The following SLC9A6 variants were observed in gnomAD, a reference collection of about 807,000 sequenced individuals.
The protein encoded by SLC9A6 is sodium/hydrogen exchanger 6.
A neutral mutation model predicts 45.3 loss-of-function variants in SLC9A6; 6 were observed. That is an observed-to-expected ratio of 0.13 (90% confidence interval 0.07 to 0.26). SLC9A6 has a LOEUF of 0.26. Among genes scored for constraint, SLC9A6 ranks in the 10% least tolerant of loss-of-function variants. SLC9A6 has a pLI of 1.00. For missense variants in SLC9A6, 278 were observed against 503.7 expected (o/e 0.55, Z 4.29); for synonymous variants, 191 against 187.7 (o/e 1.02, Z -0.14).
chrX:135,992,400 T>G (rs1255720243), intron 2 of SLC9A6, among the ~76,000 whole-genome samples: 1 of 112,397 alleles, frequency 8.9e-6, no homozygotes, highest in Non-Finnish European at 1.9e-5. Context: ...GACCAGTCTT[T>G]CTAAAGTAGA....
chrX:136,020,732 A>G (rs1374127068), intron 11 of SLC9A6, among the ~76,000 whole-genome samples: 1 of 112,425 alleles, frequency 8.9e-6, no homozygotes. Context: ...GAGTTATAAT[A>G]CAACTTTTTT....
intron 6 of SLC9A6, among the ~76,000 whole-genome samples, 181 bp downstream of exon 6, chrX:135,999,149 G>A: frequency 9.5e-6 from 1 of 105,771 alleles, no homozygotes; most frequent in East Asian, 3.0e-4. Context: ...GCACAAATTT[G>A]TTTTCCTTTT....
At chrX:136,026,512 G>A (rs782101713) in intron 13 of SLC9A6, among the ~76,000 whole-genome samples, 50 of 110,775 alleles carry the variant, frequency 4.5e-4, no homozygotes, top group African/African-American at 1.5e-3. Context: ...GCCATGTGCC[G>A]GGCACTGTAG....
At position 135,998,978 on chromosome X, in the gene SLC9A6, A is replaced by G. The variant is rs782797166; in HGVS notation, c.637+10A>G. On this transcript the variant is annotated intron_variant, in intron 6 of 17. Coordinates refer to ENST00000630721, the MANE Select transcript of SLC9A6 (RefSeq NM_001379110.1). Reference sequence around the variant, plus strand: ...TCAGCAACTGATCCAGGTATGTTTTATATGAGTGGAGTTTACATACTTGAG... The same window carrying G: ...TCAGCAACTGATCCAGGTATGTTTTGTATGAGTGGAGTTTACATACTTGAG... 2.8e-6 allele frequency: 3 copies of G among 1,052,862 alleles called. No individual in the cohort carries two copies. The highest frequency in any genetic ancestry group is 4.0e-6 in the Non-Finnish European group (3 of 752,199). 86.8% of individuals were successfully genotyped at this position (1,052,862 alleles called of 1,213,427 possible).
Position 136,044,505 on chromosome X carries a change from C to T in SLC9A6, c.1821C>T (p.Asp607=), listed in dbSNP as rs781873151. ...CTGATCTTATTCTCAATGATGGTGA[C>T]ATCAGTTTGACATATGGAGATTCTA... ...DDSDLILNDG[D]ISLTYGDSTV... The change falls in exon 18 of 18, where the codon GAC becomes GAT. Residue 607 remains aspartate (D), a synonymous_variant. Coordinates refer to ENST00000630721, the MANE Select transcript of SLC9A6 (RefSeq NM_001379110.1). 3 of 1,202,416 alleles carry T rather than the reference C, an allele frequency of 2.5e-6. No homozygotes were observed. Among genetic ancestry groups the T allele is most frequent in the African/African-American group, 3.5e-5 (2 of 56,952 alleles).
rs2071575400 is a variant in SLC9A6 at position 136,045,036 on chromosome X, C to G, written c.*312C>G. 3 of 237,077 alleles carry G rather than the reference C, an allele frequency of 1.3e-5. No homozygotes were observed. Among genetic ancestry groups the G allele is most frequent in the Non-Finnish European group, 2.3e-5 (3 of 131,814 alleles). 19.5% of individuals were successfully genotyped at this position (237,077 alleles called of 1,213,427 possible). On this transcript the variant is annotated 3_prime_UTR_variant, in exon 18 of 18. Transcript: ENST00000630721. ...AGTGACGGATTTTCTCTTTCTTAAA[C>G]TTACCTGACACTTAACCAGAGTACC...
Position 135,985,473 on chromosome X carries a change from G to A in SLC9A6, c.-61G>A, listed in dbSNP as rs2089316112. ...GTGGTCCGACCGCGGGCGGCCGCCG[G>A]TGAGGTAGGGGCGGGAGGCGGGGGG... On this transcript the variant is annotated 5_prime_UTR_variant, in exon 1 of 18. It adds an upstream start codon to the 5' untranslated region. Coordinates refer to ENST00000630721, the MANE Select transcript of SLC9A6 (RefSeq NM_001379110.1). The A allele has an allele frequency of 1.9e-6, 2 of 1,027,556 alleles. No individual in the cohort carries two copies. The highest frequency in any genetic ancestry group is 2.0e-5 in the African/African-American group (1 of 49,779). 84.7% of individuals were successfully genotyped at this position (1,027,556 alleles called of 1,213,427 possible). A position where few individuals can be genotyped will look rare whatever the true frequency, so the allele number is the denominator to read the frequency against.
chrX:136,005,663 G>A (rs994640211), intron 7 of SLC9A6, among the ~76,000 whole-genome samples: 1 of 85,190 alleles, frequency 1.2e-5, no homozygotes, highest in Non-Finnish European at 2.3e-5. Flanking sequence ...CCTGAGCAAC[G>A]GAGCGAGACT....
In SLC9A6 at chrX:135,990,078, T is replaced by C. The variant is rs373268787; in HGVS notation, c.169+4251T>C. Among the ~76,000 whole-genome samples the C allele has an allele frequency of 7.7e-4, 86 of 111,522 alleles. No individual in the cohort carries two copies. The East Asian group carries it at 0.019, about 25-fold the overall frequency. ...TCGGCTCACTGCAAGCTCCGCCTCC[T>C]GGGTTCATGCCATTCTTCTGCCTCA... On this transcript the variant is annotated intron_variant, in intron 2 of 17. Coordinates refer to ENST00000630721, the MANE Select transcript of SLC9A6 (RefSeq NM_001379110.1).
Position 136,013,418 on chromosome X carries a change from C to T in SLC9A6, c.1061C>T (p.Ser354Phe). 1 of 1,197,638 alleles carries T rather than the reference C, an allele frequency of 8.3e-7. No individual in the cohort carries two copies. The highest frequency in any genetic ancestry group is 1.1e-6 in the Non-Finnish European group (1 of 883,244). Residue 354 changes from serine (S) to phenylalanine (F), a missense_variant, in exon 10 of 18, where the codon TCT becomes TTT. Physicochemically the swap from Ser to Phe is radical, Grantham distance 155 (BLOSUM62 -2). This residue lies in a region of SLC9A6 where 41 missense variants were observed against 51.8 expected (regional missense o/e 0.79). Coordinates refer to ENST00000630721, the MANE Select transcript of SLC9A6 (RefSeq NM_001379110.1). ...HYTYNNLSTE[S>F]QHRTKQLFEL... ...ACGTATAATAATTTGTCCACGGAGT[C>T]TCAGCATAGAACTAAACAGGTAAGA...
intron 7 of SLC9A6, among the ~76,000 whole-genome samples, chrX:136,008,749 G>C (rs782152283): frequency 9.0e-6 from 1 of 111,213 alleles, no homozygotes; most frequent in Non-Finnish European, 1.9e-5. Flanking sequence ...TACTTTCAGG[G>C]TTTAAAAAAA....
chrX:136,038,742 T>C (rs2071454612), intron 16 of SLC9A6, among the ~76,000 whole-genome samples: 1 of 110,154 alleles, frequency 9.1e-6, no homozygotes, highest in Admixed American at 9.8e-5. Context: ...TTTTCTTTTT[T>C]TTTTTCTTTT....
chrX:136,010,385 A>G (rs1325144153), intron 7 of SLC9A6, 57 bp from the exon 8 acceptor site: 1 of 1,151,985 alleles, frequency 8.7e-7, no homozygotes, highest in East Asian at 3.0e-5. Context: ...ATACTACATA[A>G]TGTTTTTTTA....
rs2089592422 is a variant in SLC9A6 at position 136,002,095 on chromosome X, T to G, written c.638-13T>G. 9.0e-7 allele frequency: 1 copy of G among 1,108,110 alleles called. No individual in the cohort carries two copies. The highest frequency in any genetic ancestry group is 1.8e-5 in the African/African-American group (1 of 55,243). The allele number at this position is 1,108,110 out of a possible 1,213,427, so 91.3% of individuals were successfully genotyped here. On this transcript the variant is annotated splice_polypyrimidine_tract_variant and intron_variant, in intron 6 of 17. Coordinates refer to ENST00000630721, the MANE Select transcript of SLC9A6 (RefSeq NM_001379110.1). Reference sequence around the variant, plus strand: ...AATGTCTAAGTATTCCTCTGACTCTTTTTACTTACTAGTGACTGTTCTTGC... The same window carrying G: ...AATGTCTAAGTATTCCTCTGACTCTGTTTACTTACTAGTGACTGTTCTTGC...
chrX:136,026,003 C>T (rs1189138723), intron 13 of SLC9A6, among the ~76,000 whole-genome samples: 9 of 111,748 alleles, frequency 8.1e-5, no homozygotes, highest in African/African-American at 2.3e-4. Context: ...AAGACAAAAA[C>T]GTACCTACTC....
intron 16 of SLC9A6, among the ~76,000 whole-genome samples, chrX:136,035,990 G>A (rs781947057): frequency 9.3e-6 from 1 of 107,180 alleles, no homozygotes; most frequent in African/African-American, 3.4e-5. Context: ...TTGAACTCTG[G>A]GACTCAAGTG....
chrX:136,033,616 C>T (rs2071365722), intron 16 of SLC9A6, 123 bp downstream of exon 16: 1 of 378,051 alleles, frequency 2.6e-6, no homozygotes, highest in Non-Finnish European at 4.8e-6. Flanking sequence ...TTTCATCTTC[C>T]CTTTCCCCAT....
chrX:136,010,588 C>T lies in SLC9A6; in HGVS notation c.885+5C>T, dbSNP rs2070901186. The T allele has an allele frequency of 8.3e-7, 1 of 1,202,540 alleles. No homozygotes were observed. The highest frequency in any genetic ancestry group is 3.0e-5 in the East Asian group (1 of 33,802). ...ACTGGAGTGGTGACAGCTTTAATAT[C>T]CTTTTGTTATATTTATCTTTTCTTG... On this transcript the variant is annotated splice_donor_5th_base_variant and intron_variant, in intron 8 of 17. Coordinates refer to ENST00000630721, the MANE Select transcript of SLC9A6 (RefSeq NM_001379110.1).
At chrX:135,994,683 A>G (rs2089474751) in intron 2 of SLC9A6, 103 bp from the exon 3 acceptor site, 1 of 744,827 alleles carries the variant, frequency 1.3e-6, no homozygotes, top group African/African-American at 2.1e-5. Context: ...TCTGAGCTAC[A>G]GGGAACTACC....
Sources: allele counts gnomAD v4.1 joint callset (sites outside exome capture counted in the v4.1 genomes callset), GRCh38; gene constraint gnomAD v4.1.1; regional missense constraint gnomAD v4.1.1; transcripts MANE v1.5; gene names NCBI Gene and HGNC (gene_info 2026-07-23, HGNC 2026-07-21).